Variants in DUOXA1 observed in about 807,000 individuals in gnomAD.
DUOXA1 encodes dual oxidase activator 1.
Under a neutral mutation model 26.6 loss-of-function variants are expected in DUOXA1, and 19 were observed. The ratio of observed to expected loss-of-function variants is 0.71; its 90% CI spans 0.50 to 1.05. The LOEUF (loss-of-function observed/expected upper bound fraction) is 1.05, where lower values mean the gene tolerates loss of function less well. Ranked by LOEUF, DUOXA1 falls within the 50% of genes least tolerant of loss-of-function variation. The pLI is 0.00. For missense variants in DUOXA1, 403 were observed against 427.5 expected, an observed-to-expected ratio of 0.94 and a Z score of 0.51; for synonymous variants, 166 against 177.0, an observed-to-expected ratio of 0.94 and a Z score of 0.49.
intron 5 of DUOXA1, 89 bp from the exon 6 acceptor site, chr15:45,121,310 G>T (rs769795722): frequency 1.6e-4 from 247 of 1,580,340 alleles, no homozygotes; most frequent in Non-Finnish European, 2.1e-4. Context: ...AGGGGTCCAT[G>T]TCTGTTTTGG....
intron 3 of DUOXA1, among the ~76,000 whole-genome samples, chr15:45,124,547 T>C (rs1895515560): frequency 6.6e-6 from 1 of 152,212 alleles, no homozygotes; most frequent in Admixed American, 6.5e-5. Context: ...TCTTGCTCTG[T>C]CACCCAGGCT....
rs192563488 is a variant in DUOXA1, at chr15:45,126,914, A to G, written c.-30+2104T>C. ...GCCTCTTCCAATAGTTAGAGTCTCC[A>G]AGACTAACAAAGACCCAAACATGAA... On this transcript the variant is annotated intron_variant, in intron 3 of 8. Coordinates refer to ENST00000560572, the MANE Select transcript of DUOXA1 (RefSeq NM_001276266.2). Among the ~76,000 whole-genome samples, 20 of 152,398 alleles carry G rather than the reference A, an allele frequency of 1.3e-4. No homozygotes were observed. The East Asian group carries it at 3.7e-3, about 28-fold the overall frequency.
At chr15:45,128,071 T>C (rs1166868356) in intron 3 of DUOXA1, among the ~76,000 whole-genome samples, 1 of 152,164 alleles carries the variant, frequency 6.6e-6, no homozygotes, top group Non-Finnish European at 1.5e-5. Context: ...GGCAGCATCC[T>C]CCCTTTCCAG....
chr15:45,123,977 C>T (rs1241894229), intron 3 of DUOXA1, among the ~76,000 whole-genome samples: 1 of 152,092 alleles, frequency 6.6e-6, no homozygotes, highest in Non-Finnish European at 1.5e-5. Flanking sequence ...GAAAAAAAGT[C>T]TTGCCAATTA....
At chr15:45,120,518 G>A in intron 7 of DUOXA1, 74 bp downstream of exon 7, 3 of 1,546,662 alleles carry the variant, frequency 1.9e-6, no homozygotes, top group Non-Finnish European at 2.7e-6. Flanking sequence ...CATGAGTGGA[G>A]GAGAGATGGG....
chr15:45,119,848 C>G (rs753887831), intron 8 of DUOXA1, among the ~76,000 whole-genome samples: 20 of 150,414 alleles, frequency 1.3e-4, no homozygotes, highest in Non-Finnish European at 2.2e-4. Flanking sequence ...ATTTTAGAAG[C>G]AGCTGGGTGA....
rs1266940145 is a variant in DUOXA1, at chr15:45,119,110, A to G, written c.1028T>C (p.Leu343Ser). 3.8e-6 allele frequency: 6 copies of G among 1,579,672 alleles called. No homozygotes were observed. Among genetic ancestry groups the G allele is most frequent in the Non-Finnish European group, 4.3e-6 (5 of 1,154,974 alleles). Residue 343 changes from leucine (L) to serine (S), a missense_variant, in exon 9 of 9, where the codon TTA (leucine) becomes TCA (serine). Transcript: ENST00000560572. ...EAHPKDPDCA[L>S] is the part of the protein sequence containing the mutation. ...TGGCCTCCACGGGGAGGAATGTTAT[A>G]AAGCACAATCAGGATCTTTGGGGTG... is the stretch of plus-strand genomic sequence containing the variant.
intron 7 of DUOXA1, 72 bp downstream of exon 7, chr15:45,120,520 A>G (rs2141189582): frequency 1.3e-6 from 2 of 1,547,866 alleles, no homozygotes; most frequent in Middle Eastern, 1.8e-4. Flanking sequence ...TGAGTGGAGG[A>G]GAGATGGGTA....
intron 6 of DUOXA1, 33 bp downstream of exon 6, chr15:45,121,054 T>TC (rs771849444): frequency 6.2e-7 from 1 of 1,612,818 alleles, no homozygotes. Context: ...GGCAGAGCCT[T>TC]CCCCCCCACC....
At chr15:45,119,514 G>T in intron 8 of DUOXA1, 149 bp from the exon 9 acceptor site, 1 of 1,290,466 alleles carries the variant, frequency 7.7e-7, no homozygotes, top group Non-Finnish European at 1.0e-6. Flanking sequence ...TGGCTGAGGG[G>T]CATGTGGCTG....
chr15:45,121,106 T>G lies in DUOXA1; in HGVS notation c.321A>C (p.Gly107=), dbSNP rs1231625249. ...CCTCACCTGTGAGTGTGATGTTGAC[T>G]CCACCCAGCCCGACCTGCAGCCCAA... ...ADIGLQVGLG[G]VNITLTGTPV... Residue 107 remains glycine, a synonymous_variant, in exon 6 of 9, where the codon GGA becomes GGC. Transcript: ENST00000560572. 5.0e-6 allele frequency: 8 copies of G among 1,614,042 alleles called. No individual in the cohort carries two copies. The highest frequency in any genetic ancestry group is 6.8e-6 in the Non-Finnish European group (8 of 1,179,986).
At chr15:45,126,345 T>C (rs1217081885) in intron 3 of DUOXA1, among the ~76,000 whole-genome samples, 1 of 152,222 alleles carries the variant, frequency 6.6e-6, no homozygotes, top group African/African-American at 2.4e-5. Flanking sequence ...GACCTCTCCC[T>C]GAATCTGACA....
chr15:45,120,900 G>T, intron 6 of DUOXA1, 95 bp from the exon 7 acceptor site: 1 of 1,501,370 alleles, frequency 6.7e-7, no homozygotes, highest in South Asian at 1.2e-5. Flanking sequence ...GACAGGAAGT[G>T]GTCTCAACTG....
At chr15:45,124,984 G>A (rs562081569) in intron 3 of DUOXA1, among the ~76,000 whole-genome samples, 2 of 152,132 alleles carry the variant, frequency 1.3e-5, no homozygotes, top group East Asian at 3.9e-4. Context: ...TCTAATGCTG[G>A]GATCCTCCTA....
chr15:45,120,487 C>A (rs1895078055), intron 7 of DUOXA1, 105 bp downstream of exon 7: 2 of 1,471,044 alleles, frequency 1.4e-6, no homozygotes, highest in South Asian at 1.1e-5. Flanking sequence ...TGGTGCCAGG[C>A]CACCCCACCT....
At chr15:45,125,167 T>A (rs1391770747) in intron 3 of DUOXA1, among the ~76,000 whole-genome samples, 3 of 152,150 alleles carry the variant, frequency 2.0e-5, no homozygotes, top group East Asian at 1.9e-4. Context: ...TAACATGAAC[T>A]TTTTTGCTTT....
intron 5 of DUOXA1, among the ~76,000 whole-genome samples, chr15:45,121,873 G>C (rs1005399960): frequency 6.6e-6 from 1 of 152,196 alleles, no homozygotes; most frequent in East Asian, 1.9e-4. Flanking sequence ...GCAAACAGCT[G>C]TTTCCCATTT....
Position 45,117,876 on chromosome 15 carries a change from C to T in DUOXA1, c.*1230G>A. The T allele has an allele frequency of 6.2e-7, 1 of 1,613,600 alleles. No individual in the cohort carries two copies. The highest frequency in any genetic ancestry group is 8.5e-7 in the Non-Finnish European group (1 of 1,180,040). On this transcript the variant is annotated 3_prime_UTR_variant, in exon 9 of 9. Coordinates refer to ENST00000560572, the MANE Select transcript of DUOXA1 (RefSeq NM_001276266.2). ...ACCCACTGCACAAGCAGGCCGCTCT[C>T]CCAGACTTAAAATGTATCACCACTA...
rs1297617054 is a variant in DUOXA1 at position 45,125,800 on chromosome 15, C to T, written c.-29-2757G>A. On this transcript the variant is annotated intron_variant, in intron 3 of 8. Transcript: ENST00000560572. ...GATGCTCCCCAGGAATCTGTGGTGGCTCTCTTCTTTTAGCAGTATTCCAGA... is the reference window on the plus strand; with the variant it reads ...GATGCTCCCCAGGAATCTGTGGTGGTTCTCTTCTTTTAGCAGTATTCCAGA... 3.9e-5 allele frequency among the ~76,000 whole-genome samples: 6 copies of T among 152,252 alleles called. No homozygotes were observed. In the South Asian group the frequency reaches 1.2e-3, roughly 32 times the overall value.
Sources: allele counts gnomAD v4.1 joint callset (sites outside exome capture counted in the v4.1 genomes callset), GRCh38; gene constraint gnomAD v4.1.1; transcripts MANE v1.5; gene names NCBI Gene and HGNC (gene_info 2026-07-23, HGNC 2026-07-21).